The following GPR39 variants were observed in gnomAD, a reference collection of about 807,000 sequenced individuals.
GPR39 encodes G protein-coupled receptor 39, also known as zinc sensing receptor.
Under a neutral mutation model 18.4 loss-of-function variants are expected in GPR39, and 23 were observed. The ratio of observed to expected loss-of-function variants is 1.25; its 90% CI spans 0.90 to 1.77. GPR39 has a LOEUF of 1.77. Ranked by LOEUF, GPR39 falls within the 40% of genes most tolerant of loss-of-function variation. The pLI is 0.00. For synonymous variants in GPR39, 280 were observed against 257.9 expected (o/e 1.09, Z -0.82); for missense variants, 647 against 602.4 (o/e 1.07, Z -0.78).
chr2:132,513,034 A>T (rs959533348), intron 1 of GPR39, among the ~76,000 whole-genome samples: 3 of 152,090 alleles, frequency 2.0e-5, no homozygotes, highest in African/African-American at 7.2e-5. Context: ...TTGGGCTGCA[A>T]TCACCTGGGG....
chr2:132,486,732 T>A (rs904271652), intron 1 of GPR39, among the ~76,000 whole-genome samples: 3 of 152,248 alleles, frequency 2.0e-5, no homozygotes, highest in Non-Finnish European at 4.4e-5. Flanking sequence ...GTTAAGGGAA[T>A]GTAGTGGCTG....
Position 132,416,961 on chromosome 2 carries a change from C to A in GPR39, c.-82C>A. ...TCGTGCGCCCACGCAGGTGAGTTTG[C>A]AGCCAAGAATTTTGGACGCTGCTGG... On this transcript the variant is annotated 5_prime_UTR_variant, in exon 1 of 2. Transcript: ENST00000329321. 1 of 1,522,744 alleles carries A rather than the reference C, an allele frequency of 6.6e-7. No homozygotes were observed. Among genetic ancestry groups the A allele is most frequent in the Non-Finnish European group, 8.9e-7 (1 of 1,127,838 alleles). The allele number at this position is 1,522,744 out of a possible 1,614,324, so 94.3% of individuals were successfully genotyped here.
intron 1 of GPR39, among the ~76,000 whole-genome samples, chr2:132,600,671 A>G (rs771450578): frequency 5.3e-5 from 8 of 152,142 alleles, no homozygotes; most frequent in Non-Finnish European, 1.0e-4. Flanking sequence ...GAAATAGAAA[A>G]CCTGAACAGA....
At chr2:132,559,298 C>T (rs532329238) in intron 1 of GPR39, among the ~76,000 whole-genome samples, 1 of 152,044 alleles carries the variant, frequency 6.6e-6, no homozygotes, top group Admixed American at 6.5e-5. Context: ...AACAACAAAC[C>T]TGATGATTTC....
chr2:132,453,893 A>G (rs1049270107), intron 1 of GPR39, among the ~76,000 whole-genome samples: 1 of 152,180 alleles, frequency 6.6e-6, no homozygotes. Flanking sequence ...GCCTCGTAGT[A>G]TAGTTTAAAG....
intron 1 of GPR39, among the ~76,000 whole-genome samples, chr2:132,507,731 C>T (rs1425682889): frequency 1.3e-5 from 2 of 152,188 alleles, no homozygotes; most frequent in Non-Finnish European, 2.9e-5. Context: ...CCCATGACCT[C>T]CTCAGCTTTG....
At chr2:132,641,784 A>G (rs1373824377) in intron 1 of GPR39, among the ~76,000 whole-genome samples, 1 of 152,214 alleles carries the variant, frequency 6.6e-6, no homozygotes, top group Non-Finnish European at 1.5e-5. Context: ...CTGTATTTCC[A>G]GTGAACAGCA....
At chr2:132,485,522 T>G (rs1450425319) in intron 1 of GPR39, among the ~76,000 whole-genome samples, 1 of 152,266 alleles carries the variant, frequency 6.6e-6, no homozygotes, top group Non-Finnish European at 1.5e-5. Context: ...CTAAAATCCC[T>G]GCTGCTGCTT....
intron 1 of GPR39, among the ~76,000 whole-genome samples, chr2:132,557,890 G>C (rs1271748969): frequency 6.6e-6 from 1 of 152,006 alleles, no homozygotes; most frequent in Non-Finnish European, 1.5e-5. Flanking sequence ...GGGTTCACTC[G>C]GCAAGTCTGG....
chr2:132,499,648 CT>C (rs1168384716), intron 1 of GPR39, among the ~76,000 whole-genome samples: 17 of 152,144 alleles, frequency 1.1e-4, no homozygotes, highest in African/African-American at 4.1e-4. Context: ...TTGTAGACTG[CT>C]TTTGGCAGAA....
At chr2:132,431,339 T>C (rs1047359461) in intron 1 of GPR39, among the ~76,000 whole-genome samples, 4 of 152,212 alleles carry the variant, frequency 2.6e-5, no homozygotes, top group African/African-American at 9.6e-5. Flanking sequence ...GATCCTACCT[T>C]TGATGTCAAG....
At chr2:132,601,874 A>G (rs760798114) in intron 1 of GPR39, among the ~76,000 whole-genome samples, 8 of 152,134 alleles carry the variant, frequency 5.3e-5, no homozygotes, top group Non-Finnish European at 7.4e-5. Context: ...GATATCTGCA[A>G]TGAAAACTAC....
In GPR39 at chr2:132,417,915, G is replaced by C. The variant is rs763559371; in HGVS notation, c.856+17G>C. The C allele has an allele frequency of 3.2e-6, 5 of 1,557,500 alleles. No individual in the cohort carries two copies. The East Asian group carries it at 1.1e-4, about 35-fold the overall frequency. ...TCTTCCTGAGTGAGTCCTAAGTCGGGGGCAACACGTGAGCAGCTTCCCAAC... is the reference window on the plus strand; with the variant it reads ...TCTTCCTGAGTGAGTCCTAAGTCGGCGGCAACACGTGAGCAGCTTCCCAAC... On this transcript the variant is annotated intron_variant, in intron 1 of 1. Transcript: ENST00000329321.
chr2:132,641,170 A>C (rs1470212850), intron 1 of GPR39, among the ~76,000 whole-genome samples: 1 of 152,246 alleles, frequency 6.6e-6, no homozygotes, highest in Non-Finnish European at 1.5e-5. Flanking sequence ...GGCAAAGTTT[A>C]GAATGAGAAA....
intron 1 of GPR39, among the ~76,000 whole-genome samples, chr2:132,491,529 G>A (rs538528828): frequency 5.3e-5 from 8 of 152,100 alleles, no homozygotes; most frequent in Non-Finnish European, 1.0e-4. Flanking sequence ...TAGGGGAATA[G>A]GGGTGTAGGA....
intron 1 of GPR39, among the ~76,000 whole-genome samples, chr2:132,583,124 G>C (rs1320594765): frequency 6.6e-6 from 1 of 151,686 alleles, no homozygotes; most frequent in Non-Finnish European, 1.5e-5. Context: ...TGTTGCCCAG[G>C]CTGGTCTCAC....
At position 132,606,965 on chromosome 2, in the gene GPR39, T is replaced by C. The variant is rs143757077; in HGVS notation, c.857-38136T>C. 2.9e-3 allele frequency among the ~76,000 whole-genome samples: 435 copies of C among 152,310 alleles called. 5 individuals carry two copies. The highest frequency in any genetic ancestry group is 1.0e-2 in the African/African-American group (414 of 41,564). On this transcript the variant is annotated intron_variant, in intron 1 of 1. Transcript: ENST00000329321. ...GCCACTCTTTTCCAAAGGCAGTGGT[T>C]TGCCACCTTCAGGGAAGATAGTTGG...
intron 1 of GPR39, among the ~76,000 whole-genome samples, chr2:132,608,351 T>C (rs1681178157): frequency 1.3e-5 from 2 of 152,200 alleles, no homozygotes; most frequent in Admixed American, 6.5e-5. Flanking sequence ...CCAGCTGTCA[T>C]AGGGAGAACC....
At chr2:132,560,433 G>A (rs1326497350) in intron 1 of GPR39, among the ~76,000 whole-genome samples, 1 of 152,106 alleles carries the variant, frequency 6.6e-6, no homozygotes, top group African/African-American at 2.4e-5. Context: ...CACCCTGATT[G>A]CATCGAAGAA....
Sources: gnomAD v4.1 joint callset for allele counts (sites outside exome capture counted in the v4.1 genomes callset) on GRCh38, gnomAD v4.1.1 for gene constraint, MANE v1.5 for transcripts, NCBI Gene and HGNC (gene_info 2026-07-23, HGNC 2026-07-21) for gene names.